The following GAB4 variants were observed in gnomAD, a reference collection of about 807,000 sequenced individuals.
GAB4 encodes the protein GRB2 associated binding protein family member 4.
GAB4 carries 26 observed loss-of-function variants against 51.3 expected under a neutral mutation model. The ratio of observed to expected loss-of-function variants is 0.51; its 90% CI spans 0.37 to 0.70. The LOEUF (loss-of-function observed/expected upper bound fraction) is 0.70, where lower values mean the gene tolerates loss of function less well. Ranked by LOEUF, GAB4 falls within the 30% of genes least tolerant of loss-of-function variation. GAB4 has a pLI of 0.00. For missense variants in GAB4, 759 were observed against 734.6 expected (o/e 1.03, Z -0.38); for synonymous variants, 329 against 291.2 (o/e 1.13, Z -1.32).
chr22:16,997,211 G>A (rs533338072), intron 1 of GAB4, among the ~76,000 whole-genome samples: 1 of 152,136 alleles, frequency 6.6e-6, no homozygotes, highest in Non-Finnish European at 1.5e-5. Flanking sequence ...TCCTTGAGGA[G>A]TCGCCACACT....
intron 3 of GAB4, among the ~76,000 whole-genome samples, chr22:16,987,479 T>G (rs2060877512): frequency 6.6e-6 from 1 of 152,210 alleles, no homozygotes; most frequent in African/African-American, 2.4e-5. Flanking sequence ...CTACTATAAC[T>G]GAGAAACTGA....
rs1283668316 is a variant in GAB4, at chr22:16,992,124, G to T, written c.227C>A (p.Pro76Gln). 4 of 1,614,156 alleles carry T rather than the reference G, an allele frequency of 2.5e-6. No homozygotes were observed. Among genetic ancestry groups the T allele is most frequent in the Non-Finnish European group, 3.4e-6 (4 of 1,180,008 alleles). ...ATTCTTGTAGTATTCCAGAACATCT[G>T]GGTCACTGCTAGTCTGGCCCCTCCG... Reference protein sequence around the residue: ...ILRRGQTSSDPDVLEYYKNDG... With the variant: ...ILRRGQTSSDQDVLEYYKNDG... The change falls in exon 2 of 10, where the codon CCA becomes CAA. Residue 76 changes from proline to glutamine, a missense_variant. Coordinates refer to ENST00000400588, the MANE Select transcript of GAB4 (RefSeq NM_001037814.1).
At chr22:16,962,900 G>A (rs751098035) in intron 9 of GAB4, 24 bp from the exon 10 acceptor site, 8 of 1,601,896 alleles carry the variant, frequency 5.0e-6, no homozygotes, top group East Asian at 2.2e-5. Flanking sequence ...GGTGGAAGTG[G>A]GAGTGGCAGT....
chr22:16,990,133 C>T (rs186481066), intron 2 of GAB4, among the ~76,000 whole-genome samples: 1 of 152,358 alleles, frequency 6.6e-6, no homozygotes, highest in African/African-American at 2.4e-5. Context: ...TATGGCATTG[C>T]TCACAGAAAG....
Position 17,008,070 on chromosome 22 carries a change from A to G in GAB4, c.45T>C (p.Pro15=). 1 of 1,607,846 alleles carries G rather than the reference A, an allele frequency of 6.2e-7. No homozygotes were observed. Among genetic ancestry groups the G allele is most frequent in the Non-Finnish European group, 8.5e-7 (1 of 1,177,338 alleles). Residue 15 remains proline, a synonymous_variant, in exon 1 of 10, where the codon CCT becomes CCC. Coordinates refer to ENST00000400588, the MANE Select transcript of GAB4 (RefSeq NM_001037814.1). ...SPSPSRELCP[P]DPAFAPLSSW... The stretch of plus-strand genomic sequence containing the variant: ...AAGACAAAGGCGCAAATGCCGGGTC[A>G]GGTGGGCACAGCTCCCGGGAGGGTG...
chr22:17,007,967 G>A lies in GAB4; in HGVS notation c.148C>T (p.Pro50Ser), dbSNP rs774854537. Residue 50 changes from proline to serine, a missense_variant, in exon 1 of 10, where the codon CCC (proline) becomes TCC (serine). Pro to Ser is a moderately conservative substitution (Grantham distance 74). Coordinates refer to ENST00000400588, the MANE Select transcript of GAB4 (RefSeq NM_001037814.1). The stretch of plus-strand genomic sequence containing the variant: ...AAGAGCCTCAGCTTCTTCTCGGGGG[G>A]CGACTTCCTCAGCCAGCCGCTGTAC... ...VLYSGWLRKS[P>S]PEKKLRLFAW... 5 of 1,593,432 alleles carry A rather than the reference G, an allele frequency of 3.1e-6. No individual in the cohort carries two copies. Among genetic ancestry groups the A allele is most frequent in the Non-Finnish European group, 4.3e-6 (5 of 1,167,504 alleles).
intron 3 of GAB4, among the ~76,000 whole-genome samples, chr22:16,986,024 G>T (rs2060864220): frequency 6.6e-6 from 1 of 152,196 alleles, no homozygotes; most frequent in Non-Finnish European, 1.5e-5. Context: ...ACTCCTGCTG[G>T]TAAGACTAAC....
At chr22:16,967,277 C>G (rs551740225) in intron 5 of GAB4, 51 of 153,244 alleles carry the variant, frequency 3.3e-4, no homozygotes, top group Non-Finnish European at 5.1e-4. Context: ...GAAGGCAGCA[C>G]AGGCCATGCA....
intron 1 of GAB4, among the ~76,000 whole-genome samples, chr22:17,002,306 G>T (rs951539854): frequency 2.6e-5 from 4 of 152,158 alleles, no homozygotes; most frequent in Non-Finnish European, 2.9e-5. Context: ...TTAAAGAAAA[G>T]AATTTTCAAC....
Position 16,970,539 on chromosome 22 carries a change from AC to A in GAB4, c.687-347del, listed in dbSNP as rs2060722120. On this transcript the variant is annotated intron_variant, in intron 3 of 9. Coordinates refer to ENST00000400588, the MANE Select transcript of GAB4 (RefSeq NM_001037814.1). ...TGTGATTAGCAGGGTGGTCAGTTTC[AC>A]CCCCACAAAACAGAGCAGCAAGCCA... Among the ~76,000 whole-genome samples, 3 of 152,118 alleles carry A rather than the reference AC, an allele frequency of 2.0e-5. No individual in the cohort carries two copies. The South Asian group carries it at 6.2e-4, about 32-fold the overall frequency.
At chr22:17,000,232 A>G (rs1178396828) in intron 1 of GAB4, among the ~76,000 whole-genome samples, 1 of 152,170 alleles carries the variant, frequency 6.6e-6, no homozygotes, top group Admixed American at 6.5e-5. Context: ...TCTAATGTTG[A>G]CAGTGGGGTG....
At chr22:16,982,910 G>A (rs146840462) in intron 3 of GAB4, among the ~76,000 whole-genome samples, 2,853 of 152,216 alleles carry the variant, frequency 0.019, 86 homozygotes, top group African/African-American at 0.065. Flanking sequence ...CTGCCCTGCC[G>A]CACCATAATC....
At chr22:17,007,308 TA>T (rs1278937228) in intron 1 of GAB4, among the ~76,000 whole-genome samples, 10 of 152,190 alleles carry the variant, frequency 6.6e-5, no homozygotes, top group African/African-American at 2.4e-4. Context: ...CTAAATCGTT[TA>T]ACCACATGAA....
intron 3 of GAB4, among the ~76,000 whole-genome samples, chr22:16,974,389 G>A (rs1217500284): frequency 6.6e-6 from 1 of 152,226 alleles, no homozygotes; most frequent in Non-Finnish European, 1.5e-5. Context: ...GATGAGGAAG[G>A]CAGAAATGGC....
intron 7 of GAB4, 141 bp downstream of exon 7, chr22:16,965,037 C>T (rs982242525): frequency 9.5e-6 from 7 of 733,744 alleles, no homozygotes; most frequent in African/African-American, 3.6e-5. Flanking sequence ...AAGGCCGTCA[C>T]GCCTCATGAG....
intron 5 of GAB4, chr22:16,966,853 A>C (rs1044476130): frequency 6.0e-6 from 1 of 166,616 alleles, no homozygotes; most frequent in Non-Finnish European, 1.3e-5. Context: ...CACTGACTGA[A>C]GCCACATGGG....
chr22:16,998,323 A>G (rs2060967311), intron 1 of GAB4, among the ~76,000 whole-genome samples: 3 of 152,158 alleles, frequency 2.0e-5, no homozygotes, highest in Admixed American at 1.3e-4. Flanking sequence ...TATTTTGCTG[A>G]GCAGTGTTCT....
chr22:17,001,138 A>T (rs2060994488), intron 1 of GAB4, among the ~76,000 whole-genome samples: 1 of 152,074 alleles, frequency 6.6e-6, no homozygotes, highest in African/African-American at 2.4e-5. Context: ...CTTCTCGAAG[A>T]TTATCTTTGC....
rs755302062 is a variant in GAB4 at position 16,966,203 on chromosome 22, C to G, written c.1185G>C (p.Leu395=). Residue 395 remains leucine (L), a synonymous_variant, in exon 6 of 10, where the codon CTG becomes CTC. Coordinates refer to ENST00000400588, the MANE Select transcript of GAB4 (RefSeq NM_001037814.1). ...AAAGCTCTGTGAGTGGGGAGCCAAG[C>G]AGGTCAAAGCGAACAAGACATGAGC... ...PVGSCLVRFD[L]LGSPLTELSM... 47 of 1,614,076 alleles carry G rather than the reference C, an allele frequency of 2.9e-5. No homozygotes were observed. The highest frequency in any genetic ancestry group is 3.9e-5 in the Non-Finnish European group (46 of 1,180,016).
Sources: allele counts gnomAD v4.1 joint callset (sites outside exome capture counted in the v4.1 genomes callset), GRCh38; gene constraint gnomAD v4.1.1; transcripts MANE v1.5; gene names NCBI Gene and HGNC (gene_info 2026-07-23, HGNC 2026-07-21).